Variants in VTA1 observed in about 807,000 individuals in gnomAD.
The protein encoded by VTA1 is vesicle trafficking 1.
A neutral mutation model predicts 36.9 loss-of-function variants in VTA1; 24 were observed. The observed-to-expected ratio is 0.65, with a 90% CI of 0.47 to 0.91. The LOEUF (loss-of-function observed/expected upper bound fraction) is 0.91, where lower values mean the gene tolerates loss of function less well. Among genes scored for constraint, VTA1 ranks in the 40% least tolerant of loss-of-function variants. The pLI, the probability that VTA1 is intolerant of heterozygous loss-of-function variation, is 0.00. For missense variants in VTA1, 393 were observed against 377.2 expected, an observed-to-expected ratio of 1.04 and a Z score of -0.35; for synonymous variants, 142 against 130.2, an observed-to-expected ratio of 1.09 and a Z score of -0.62.
intron 5 of VTA1, among the ~76,000 whole-genome samples, chr6:142,189,817 C>T (rs922531575): frequency 1.3e-5 from 2 of 151,946 alleles, no homozygotes; most frequent in African/African-American, 2.4e-5. Flanking sequence ...AGTGCAGTGG[C>T]GCAGTCTCTG....
intron 1 of VTA1, among the ~76,000 whole-genome samples, chr6:142,156,355 C>T (rs1378687351): frequency 6.6e-6 from 1 of 152,052 alleles, no homozygotes; most frequent in Non-Finnish European, 1.5e-5. Context: ...GGCAAAAAAG[C>T]CAGTGAAAAA....
chr6:142,157,106 G>A (rs1020106467), intron 1 of VTA1, among the ~76,000 whole-genome samples: 3 of 152,234 alleles, frequency 2.0e-5, no homozygotes, highest in African/African-American at 7.2e-5. Context: ...AGAGGTGGCA[G>A]TGAGCCGAGA....
At chr6:142,148,037 G>T (rs1305461512) in intron 1 of VTA1, among the ~76,000 whole-genome samples, 1 of 152,132 alleles carries the variant, frequency 6.6e-6, no homozygotes, top group Non-Finnish European at 1.5e-5. Context: ...TGAATTTACA[G>T]TTTGATTAAA....
chr6:142,184,154 C>G (rs1191565434), intron 4 of VTA1, among the ~76,000 whole-genome samples: 1 of 152,184 alleles, frequency 6.6e-6, no homozygotes, highest in Non-Finnish European at 1.5e-5. Flanking sequence ...CCAAAAGGTA[C>G]ATTCTGCATT....
chr6:142,194,506 C>T (rs1229627391), intron 5 of VTA1, among the ~76,000 whole-genome samples: 1 of 151,998 alleles, frequency 6.6e-6, no homozygotes, highest in Non-Finnish European at 1.5e-5. Context: ...TATTTTGTGT[C>T]CTTTCATTCT....
At chr6:142,206,716 C>G (rs1036969031) in intron 7 of VTA1, among the ~76,000 whole-genome samples, 10 of 152,074 alleles carry the variant, frequency 6.6e-5, no homozygotes, top group Admixed American at 1.3e-4. Context: ...CTGCAGTAAT[C>G]TAGATAGTAT....
In VTA1 at chr6:142,203,942, G is replaced by A. The variant is rs746472327; in HGVS notation, c.698-43G>A. On this transcript the variant is annotated intron_variant, in intron 6 of 7. Transcript: ENST00000367630. ...GTGCTGCCCTGCTGTATAATTAAAA[G>A]GTGTAATACTTCTATGCCCATTTTT... 26 of 1,513,804 alleles carry A rather than the reference G, an allele frequency of 1.7e-5. No individual in the cohort carries two copies. In the East Asian group the frequency reaches 5.9e-4, roughly 34 times the overall value. 93.8% of individuals were successfully genotyped at this position (1,513,804 alleles called of 1,614,324 possible).
Position 142,148,953 on chromosome 6 carries a change from C to G in VTA1, c.112+1554C>G, listed in dbSNP as rs150920825. Among the ~76,000 whole-genome samples the G allele has an allele frequency of 1.8e-3, 276 of 152,288 alleles. 2 individuals are homozygous for G. Among genetic ancestry groups the G allele is most frequent in the African/African-American group, 5.9e-3 (245 of 41,568 alleles). On this transcript the variant is annotated intron_variant, in intron 1 of 7. Coordinates refer to ENST00000367630, the MANE Select transcript of VTA1 (RefSeq NM_016485.5). ...GTGATGGGATAAGGTCAAAGAATCT[C>G]TCATCCCTAAAGGAAATTCCTGTTC... is the stretch of plus-strand genomic sequence containing the variant.
Position 142,223,401 on chromosome 6 carries a change from C to T in VTA1, c.*4758C>T, listed in dbSNP as rs1302610494. ...GTTTTATCCTTTTTATTTTAAATAA[C>T]ATCACTGTCTTTCCTAACTAAAAAT... On this transcript the variant is annotated 3_prime_UTR_variant, in exon 8 of 8. Transcript: ENST00000367630. The T allele has an allele frequency of 1.3e-5, 2 of 152,178 alleles. No homozygotes were observed. The highest frequency in any genetic ancestry group is 1.3e-4 in the Admixed American group (2 of 15,278). The allele number at this position is 152,178 out of a possible 1,614,324, so 9.4% of individuals were successfully genotyped here.
chr6:142,189,026 A>C (rs9496295), intron 4 of VTA1, among the ~76,000 whole-genome samples: 32 of 152,188 alleles, frequency 2.1e-4, no homozygotes, highest in African/African-American at 7.5e-4. Flanking sequence ...CTTGATTTGT[A>C]CAGTTCTGTT....
intron 7 of VTA1, among the ~76,000 whole-genome samples, chr6:142,205,427 T>C (rs1775771823): frequency 6.6e-6 from 1 of 152,230 alleles, no homozygotes; most frequent in African/African-American, 2.4e-5. Context: ...CCTAGAATTC[T>C]TTATCTAAAC....
intron 5 of VTA1, among the ~76,000 whole-genome samples, chr6:142,193,159 C>A (rs1775485347): frequency 6.6e-6 from 1 of 152,056 alleles, no homozygotes; most frequent in South Asian, 2.1e-4. Context: ...TTGAAAAGTA[C>A]AGTTACTTTT....
chr6:142,162,417 C>T (rs1016535046), intron 1 of VTA1, among the ~76,000 whole-genome samples: 18 of 152,168 alleles, frequency 1.2e-4, no homozygotes, highest in Admixed American at 1.1e-3. Flanking sequence ...GGGGAGATGA[C>T]ACTGTCGGTA....
intron 2 of VTA1, among the ~76,000 whole-genome samples, chr6:142,169,134 G>A (rs1378879769): frequency 6.6e-6 from 1 of 151,968 alleles, no homozygotes; most frequent in Non-Finnish European, 1.5e-5. Flanking sequence ...GACAGAAATT[G>A]AAATGGGAAT....
rs910229513 is a variant in VTA1, at chr6:142,219,875, C to T, written c.*1232C>T. 1 of 152,164 alleles carries T rather than the reference C, an allele frequency of 6.6e-6. No individual in the cohort carries two copies. Among genetic ancestry groups the T allele is most frequent in the Non-Finnish European group, 1.5e-5 (1 of 68,028 alleles). 9.4% of individuals were successfully genotyped at this position (152,164 alleles called of 1,614,324 possible). On this transcript the variant is annotated 3_prime_UTR_variant, in exon 8 of 8. Transcript: ENST00000367630. ...ATAAAGTTTCTTTGAAACAAGCCTA[C>T]ACTCATTCATTTATGTTTTGTCTGT...
At chr6:142,192,720 G>A (rs921027326) in intron 5 of VTA1, among the ~76,000 whole-genome samples, 66 of 150,004 alleles carry the variant, frequency 4.4e-4, no homozygotes, top group Middle Eastern at 3.4e-3. Flanking sequence ...GTGTGTGTGT[G>A]TGTGTGTGTA....
At chr6:142,150,673 C>G (rs1397787868) in intron 1 of VTA1, among the ~76,000 whole-genome samples, 1 of 152,112 alleles carries the variant, frequency 6.6e-6, no homozygotes, top group Non-Finnish European at 1.5e-5. Context: ...TTGAAGAAAA[C>G]CAGCCAGAGC....
intron 1 of VTA1, among the ~76,000 whole-genome samples, chr6:142,159,193 C>G (rs957342931): frequency 2.0e-5 from 3 of 151,872 alleles, no homozygotes; most frequent in Admixed American, 2.0e-4. Flanking sequence ...AACCCTGTCT[C>G]TACCAAAAAT....
At chr6:142,170,721 C>T (rs1008940701) in intron 4 of VTA1, among the ~76,000 whole-genome samples, 1 of 152,058 alleles carries the variant, frequency 6.6e-6, no homozygotes, top group Non-Finnish European at 1.5e-5. Flanking sequence ...CAGCCTCAGC[C>T]TGCCCGGGCT....
Sources: allele counts gnomAD v4.1 joint callset (sites outside exome capture counted in the v4.1 genomes callset), GRCh38; gene constraint gnomAD v4.1.1; transcripts MANE v1.5; gene names NCBI Gene and HGNC (gene_info 2026-07-23, HGNC 2026-07-21).